Variants in EYS observed in about 807,000 individuals in gnomAD.
EYS encodes EGF-like photoreceptor maintenance factor, also known as protein eyes shut homolog.
A neutral mutation model predicts 282.1 loss-of-function variants in EYS; 250 were observed. That is an observed-to-expected ratio of 0.89 (90% confidence interval 0.80 to 0.98). EYS has a LOEUF of 0.98. Ranked by LOEUF, EYS falls within the 50% of genes least tolerant of loss-of-function variation. EYS has a pLI of 0.00. For missense variants in EYS, 4,016 were observed against 3,709.0 expected (o/e 1.08, Z -2.15); for synonymous variants, 1,355 against 1,282.9 (o/e 1.06, Z -1.20).
intron 1 of EYS, among the ~76,000 whole-genome samples, chr6:65,701,999 C>T (rs1004986074): frequency 3.3e-5 from 5 of 152,118 alleles, no homozygotes; most frequent in Non-Finnish European, 7.3e-5. Flanking sequence ...TTATATTTAA[C>T]GAGCTAATAT....
In EYS at chr6:64,088,670, A is replaced by G. The variant is rs1031848140; in HGVS notation, c.6425-6668T>C. Among the ~76,000 whole-genome samples, 9 of 152,054 alleles carry G rather than the reference A, an allele frequency of 5.9e-5. No homozygotes were observed. In the South Asian group the frequency reaches 1.7e-3, roughly 28 times the overall value. On this transcript the variant is annotated intron_variant, in intron 31 of 42. Transcript: ENST00000503581. ...TTTTAACCAAGCATAGTTCTGTAGT[A>G]TGAATCAGGGCCACTATCAATAACA...
At chr6:64,265,263 T>C (rs1249079494) in intron 30 of EYS, among the ~76,000 whole-genome samples, 4 of 152,144 alleles carry the variant, frequency 2.6e-5, no homozygotes, top group African/African-American at 7.2e-5. Context: ...ATTGTATTGA[T>C]AGTTTGCTGT....
At chr6:64,655,677 C>T (rs1768719601) in intron 22 of EYS, among the ~76,000 whole-genome samples, 1 of 151,802 alleles carries the variant, frequency 6.6e-6, no homozygotes, top group African/African-American at 2.4e-5. Context: ...GACTGGCTTA[C>T]TGATAATTTT....
At chr6:65,279,374 A>C (rs1421602732) in intron 12 of EYS, among the ~76,000 whole-genome samples, 1 of 152,074 alleles carries the variant, frequency 6.6e-6, no homozygotes, top group Admixed American at 6.6e-5. Flanking sequence ...CTATCAATCT[A>C]AAATAGCTTT....
intron 13 of EYS, among the ~76,000 whole-genome samples, chr6:65,033,762 G>A (rs561610445): frequency 6.6e-5 from 10 of 152,252 alleles, no homozygotes; most frequent in African/African-American, 2.4e-4. Context: ...CAGTGCTGAG[G>A]GAAAAAGTGG....
At chr6:65,407,222 C>A (rs9354236) in intron 5 of EYS, among the ~76,000 whole-genome samples, 73,021 of 151,828 alleles carry the variant, frequency 0.48, 17,848 homozygotes, top group South Asian at 0.54. Context: ...TGTAACTAGA[C>A]TTGCTTTCTT....
chr6:65,089,310 C>T (rs1027588843), intron 12 of EYS, among the ~76,000 whole-genome samples: 2 of 152,168 alleles, frequency 1.3e-5, no homozygotes, highest in Non-Finnish European at 2.9e-5. Context: ...GGAGAGGGTG[C>T]TGTGCCTGCA....
chr6:64,899,052 A>T (rs1168978916), intron 18 of EYS, among the ~76,000 whole-genome samples: 1 of 152,120 alleles, frequency 6.6e-6, no homozygotes, highest in Non-Finnish European at 1.5e-5. Context: ...GATCGATGAG[A>T]CAGAAAATTA....
At chr6:65,527,000 G>A (rs969824498) in intron 2 of EYS, among the ~76,000 whole-genome samples, 2 of 152,088 alleles carry the variant, frequency 1.3e-5, no homozygotes, top group Non-Finnish European at 2.9e-5. Context: ...CCAAAGGGAT[G>A]AGTCCCTAGG....
chr6:65,355,494 T>C (rs530009015), intron 8 of EYS, among the ~76,000 whole-genome samples: 57 of 152,210 alleles, frequency 3.7e-4, no homozygotes, highest in Middle Eastern at 3.4e-3. Context: ...CCTAAAATGC[T>C]TCTGCACAGC....
intron 5 of EYS, among the ~76,000 whole-genome samples, chr6:65,422,853 T>G (rs1368684726): frequency 6.6e-6 from 1 of 151,724 alleles, no homozygotes; most frequent in East Asian, 1.9e-4. Context: ...TATATGTATG[T>G]TTATGTGTAC....
At chr6:65,631,824 C>T (rs1766924876) in intron 2 of EYS, among the ~76,000 whole-genome samples, 1 of 151,890 alleles carries the variant, frequency 6.6e-6, no homozygotes, top group African/African-American at 2.4e-5. Context: ...TTTAGAAAGT[C>T]CATTATTATG....
At chr6:64,353,978 C>T (rs757150026) in intron 29 of EYS, among the ~76,000 whole-genome samples, 4 of 151,430 alleles carry the variant, frequency 2.6e-5, no homozygotes, top group Non-Finnish European at 4.4e-5. Context: ...TGTGAGCCAC[C>T]GGAGGTTAGC....
At position 65,003,387 on chromosome 6, in the gene EYS, A is replaced by AGGGTTTTG. The variant is rs573777881; in HGVS notation, c.2138-5685_2138-5684insCAAAACCC. ...TTTTGGTCAGACCGGTTGCTCTCAA[A>AGGGTTTTG]ACCCTGTCTCCTGATAAGATGTTAT... On this transcript the variant is annotated intron_variant, in intron 13 of 42. Coordinates refer to ENST00000503581, the MANE Select transcript of EYS (RefSeq NM_001142800.2). Among the ~76,000 whole-genome samples the AGGGTTTTG allele has an allele frequency of 2.4e-3, 356 of 147,436 alleles. 10 individuals are homozygous for AGGGTTTTG. The highest frequency in any genetic ancestry group is 8.3e-3 in the African/African-American group (343 of 41,276).
intron 14 of EYS, among the ~76,000 whole-genome samples, chr6:64,955,243 A>C (rs1769657870): frequency 6.6e-6 from 1 of 152,146 alleles, no homozygotes; most frequent in Non-Finnish European, 1.5e-5. Context: ...GCCAAAAATG[A>C]AATTAAATAC....
At chr6:64,445,178 T>C (rs1198159226) in intron 26 of EYS, among the ~76,000 whole-genome samples, 1 of 152,188 alleles carries the variant, frequency 6.6e-6, no homozygotes, top group Non-Finnish European at 1.5e-5. Flanking sequence ...TTCAATCATA[T>C]TTGTGGTGTT....
chr6:64,347,830 C>G (rs1393477378), intron 29 of EYS, among the ~76,000 whole-genome samples: 4 of 151,296 alleles, frequency 2.6e-5, no homozygotes, highest in Non-Finnish European at 4.4e-5. Context: ...GTGCTATCTT[C>G]TTTATAGCAC....
At chr6:64,809,272 A>G (rs1764525270) in intron 22 of EYS, among the ~76,000 whole-genome samples, 1 of 152,128 alleles carries the variant, frequency 6.6e-6, no homozygotes. Context: ...AGCTATATGA[A>G]CTTTGAAAAA....
chr6:64,377,731 A>C lies in EYS; in HGVS notation c.6078+10959T>G, dbSNP rs569780656. 5 of 152,244 alleles carry C rather than the reference A, an allele frequency of 3.3e-5. No individual in the cohort carries two copies. The South Asian group carries it at 1.0e-3, about 32-fold the overall frequency. The allele number at this position is 152,244 out of a possible 1,614,324, so 9.4% of individuals were successfully genotyped here. A position where few individuals can be genotyped will look rare whatever the true frequency, so the allele number is the denominator to read the frequency against. ...TTTTTAATGAACAAATGAGCTTCCAAAATGATCTTACATGGCTGAAACATC... is the reference window on the plus strand; with the variant it reads ...TTTTTAATGAACAAATGAGCTTCCACAATGATCTTACATGGCTGAAACATC... On this transcript the variant is annotated intron_variant, in intron 29 of 42. Transcript: ENST00000503581.
Sources: allele counts gnomAD v4.1 joint callset (sites outside exome capture counted in the v4.1 genomes callset), GRCh38; gene constraint gnomAD v4.1.1; transcripts MANE v1.5; gene names NCBI Gene and HGNC (gene_info 2026-07-23, HGNC 2026-07-21).